ANO10: variants seen among roughly 807,000 people sequenced by gnomAD.
ANO10 encodes anoctamin-10.
A neutral mutation model predicts 74.7 loss-of-function variants in ANO10; 77 were observed. That is an observed-to-expected ratio of 1.03 (90% CI 0.86 to 1.25). ANO10 has a LOEUF of 1.25. Among genes scored for constraint, ANO10 ranks in the 50% most tolerant of loss-of-function variants. The pLI is 0.00. For missense variants in ANO10, 721 were observed against 778.1 expected (o/e 0.93, Z 0.87); for synonymous variants, 279 against 284.9 (o/e 0.98, Z 0.21).
At chr3:43,662,278 A>G (rs1237091827) in intron 1 of ANO10, among the ~76,000 whole-genome samples, 1 of 152,246 alleles carries the variant, frequency 6.6e-6, no homozygotes, top group Admixed American at 6.5e-5. Flanking sequence ...AACTACATGG[A>G]AACTGAACAA....
chr3:43,687,957 C>A (rs573989214), intron 1 of ANO10, among the ~76,000 whole-genome samples: 76 of 152,250 alleles, frequency 5.0e-4, no homozygotes, highest in African/African-American at 1.6e-3. Context: ...CCATTGCTGG[C>A]AACACCCAGG....
intron 11 of ANO10, among the ~76,000 whole-genome samples, chr3:43,531,160 T>G (rs183853861): frequency 2.6e-5 from 4 of 152,342 alleles, no homozygotes; most frequent in African/African-American, 9.6e-5. Flanking sequence ...TATGTCTACA[T>G]GCTGTAGAGC....
chr3:43,491,959 C>T (rs2076740218), intron 11 of ANO10, among the ~76,000 whole-genome samples: 1 of 152,122 alleles, frequency 6.6e-6, no homozygotes. Context: ...CGGTCTACAG[C>T]TCCCAGAGAG....
intron 12 of ANO10, among the ~76,000 whole-genome samples, chr3:43,419,168 G>A (rs898215539): frequency 6.6e-6 from 1 of 152,212 alleles, no homozygotes; most frequent in Non-Finnish European, 1.5e-5. Flanking sequence ...CTTCGCAAGA[G>A]GAAGAGTGAT....
intron 1 of ANO10, among the ~76,000 whole-genome samples, chr3:43,661,677 C>T (rs928741028): frequency 6.6e-6 from 1 of 152,074 alleles, no homozygotes; most frequent in Non-Finnish European, 1.5e-5. Context: ...CATGCAAAGA[C>T]ACACATAGGC....
chr3:43,587,332 G>A (rs1235546503), intron 4 of ANO10, among the ~76,000 whole-genome samples: 1 of 152,210 alleles, frequency 6.6e-6, no homozygotes, highest in African/African-American at 2.4e-5. Flanking sequence ...AGACCTGGAA[G>A]AGATCTGGGC....
At chr3:43,512,869 G>A (rs1331269428) in intron 11 of ANO10, among the ~76,000 whole-genome samples, 1 of 152,114 alleles carries the variant, frequency 6.6e-6, no homozygotes, top group Non-Finnish European at 1.5e-5. Context: ...GTTCCTGATG[G>A]AAAAGAAGCA....
chr3:43,534,483 A>T (rs576299203), intron 11 of ANO10, among the ~76,000 whole-genome samples: 4 of 146,908 alleles, frequency 2.7e-5, no homozygotes, highest in African/African-American at 5.1e-5. Flanking sequence ...CATGAGAGAG[A>T]GCGCGCAAGA....
intron 12 of ANO10, among the ~76,000 whole-genome samples, chr3:43,373,194 C>G (rs1241736957): frequency 6.6e-6 from 1 of 151,316 alleles, no homozygotes; most frequent in Non-Finnish European, 1.5e-5. Context: ...TCATGGCTAG[C>G]AAGCTCAAGC....
In ANO10 at chr3:43,528,249, A is replaced by C. The variant is rs1033113126; in HGVS notation, c.1797+21471T>G. Among the ~76,000 whole-genome samples the C allele has an allele frequency of 5.9e-5, 9 of 152,276 alleles. No individual in the cohort carries two copies. In the South Asian group the frequency reaches 1.7e-3, roughly 28 times the overall value. On this transcript the variant is annotated intron_variant, in intron 11 of 12. Coordinates refer to ENST00000292246, the MANE Select transcript of ANO10 (RefSeq NM_018075.5). ...AACATCTGTACAAGGTTACTATGAAAATAAAACAGACATTGAGAATCAAAG... is the reference window on the plus strand; with the variant it reads ...AACATCTGTACAAGGTTACTATGAACATAAAACAGACATTGAGAATCAAAG...
At chr3:43,638,314 A>C (rs2083634386) in intron 1 of ANO10, among the ~76,000 whole-genome samples, 1 of 152,204 alleles carries the variant, frequency 6.6e-6, no homozygotes, top group African/African-American at 2.4e-5. Context: ...AATTTACAAA[A>C]AGTTAAGAAG....
intron 12 of ANO10, among the ~76,000 whole-genome samples, chr3:43,407,323 C>G (rs1048745591): frequency 1.3e-5 from 2 of 152,212 alleles, no homozygotes; most frequent in Non-Finnish European, 2.9e-5. Flanking sequence ...AGCGCGCAGA[C>G]TGGAATTCAG....
At chr3:43,399,684 CA>C (rs2148866439) in intron 12 of ANO10, among the ~76,000 whole-genome samples, 1 of 152,272 alleles carries the variant, frequency 6.6e-6, no homozygotes, top group African/African-American at 2.4e-5. Context: ...CTGCATATAA[CA>C]GTCAATGTTT....
chr3:43,471,346 A>C (rs2075850849), intron 11 of ANO10, among the ~76,000 whole-genome samples: 1 of 152,192 alleles, frequency 6.6e-6, no homozygotes, highest in South Asian at 2.1e-4. Flanking sequence ...GAAGAGACAA[A>C]GTTTTAAAAT....
chr3:43,442,285 C>G (rs1016022995), intron 11 of ANO10, among the ~76,000 whole-genome samples: 2 of 152,072 alleles, frequency 1.3e-5, no homozygotes, highest in Non-Finnish European at 2.9e-5. Flanking sequence ...ATTCTACACA[C>G]ATACACACAC....
chr3:43,619,924 C>T (rs2149544035), intron 1 of ANO10, among the ~76,000 whole-genome samples: 1 of 149,628 alleles, frequency 6.7e-6, no homozygotes, highest in Admixed American at 6.6e-5. Context: ...TTTCCTAACA[C>T]ATACACACAA....
At chr3:43,464,669 A>T (rs1559573090) in intron 11 of ANO10, among the ~76,000 whole-genome samples, 1 of 151,996 alleles carries the variant, frequency 6.6e-6, no homozygotes, top group East Asian at 1.9e-4. Flanking sequence ...ACAGACAGAG[A>T]CCCCATATAA....
At chr3:43,424,793 C>T (rs530829032) in intron 12 of ANO10, 47 of 152,318 alleles carry the variant, frequency 3.1e-4, no homozygotes, top group African/African-American at 1.1e-3. Context: ...AACTAGTTCT[C>T]TAGTGCAATT....
chr3:43,587,500 C>T (rs960707054), intron 4 of ANO10, among the ~76,000 whole-genome samples: 3 of 152,168 alleles, frequency 2.0e-5, no homozygotes, highest in African/African-American at 7.2e-5. Flanking sequence ...CTTCCAAGAA[C>T]AAGTCTGGGA....
Sources: gnomAD v4.1 joint callset for allele counts (sites outside exome capture counted in the v4.1 genomes callset) on GRCh38, gnomAD v4.1.1 for gene constraint, MANE v1.5 for transcripts, NCBI Gene and HGNC (gene_info 2026-07-23, HGNC 2026-07-21) for gene names.